GPM6B: variants seen among roughly 807,000 people sequenced by gnomAD.
The protein encoded by GPM6B is glycoprotein M6B, also known as neuronal membrane glycoprotein M6-b.
Under a neutral mutation model 27.2 loss-of-function variants are expected in GPM6B, and 4 were observed. That is an observed-to-expected ratio of 0.15 (90% CI 0.07 to 0.34). The LOEUF is 0.34. Among genes scored for constraint, GPM6B ranks in the 10% least tolerant of loss-of-function variants. The pLI is 1.00. For synonymous variants in GPM6B, 124 were observed against 103.1 expected (o/e 1.20, Z -1.23); for missense variants, 183 against 261.9 (o/e 0.70, Z 2.08).
At chrX:13,780,080 A>G in intron 4 of GPM6B, 91 bp from the exon 5 acceptor site, 1 of 771,192 alleles carries the variant, frequency 1.3e-6, no homozygotes, top group East Asian at 3.4e-5. Context: ...CAGGCCCAAT[A>G]CTGACCTGTG....
chrX:13,913,662 C>G (rs765734581), intron 1 of GPM6B, among the ~76,000 whole-genome samples: 1 of 112,218 alleles, frequency 8.9e-6, no homozygotes, highest in African/African-American at 3.2e-5. Context: ...CTGTCTTGTT[C>G]GGTCTTAATT....
At chrX:13,800,222 G>A (rs1192189994) in intron 2 of GPM6B, among the ~76,000 whole-genome samples, 1 of 111,590 alleles carries the variant, frequency 9.0e-6, no homozygotes, top group Non-Finnish European at 1.9e-5. Context: ...CAGCTTGTGA[G>A]GAACTGAGGC....
At chrX:13,884,732 C>A (rs1030054382) in intron 1 of GPM6B, among the ~76,000 whole-genome samples, 1 of 112,073 alleles carries the variant, frequency 8.9e-6, no homozygotes, top group Non-Finnish European at 1.9e-5. Context: ...CAAAATAATG[C>A]AGCATGTCAT....
At chrX:13,876,388 T>C (rs1439796346) in intron 1 of GPM6B, among the ~76,000 whole-genome samples, 1 of 112,560 alleles carries the variant, frequency 8.9e-6, no homozygotes, top group African/African-American at 3.2e-5. Context: ...GTACAACATG[T>C]CTGCATCATT....
chrX:13,905,882 T>TA lies in GPM6B; in HGVS notation c.-198+32444dup, dbSNP rs138188403. ...TCCTCCATTCGTGACACAATGGGAT[T>TA]AAAAAAAAAAACCCTCTGAATCCAT... On this transcript the variant is annotated intron_variant, in intron 1 of 6. Coordinates refer to the GPM6B transcript ENST00000398361. 1.3e-3 allele frequency among the ~76,000 whole-genome samples: 131 copies of TA among 104,579 alleles called. 2 individuals are homozygous for TA. In the South Asian group the frequency reaches 0.015, roughly 12 times the overall value. The allele number at this position is 104,579 out of a possible 115,157, so 90.8% of individuals were successfully genotyped here.
chrX:13,834,835 C>T (rs774632316), intron 1 of GPM6B, among the ~76,000 whole-genome samples: 1 of 111,908 alleles, frequency 8.9e-6, no homozygotes, highest in Admixed American at 9.5e-5. Context: ...TACTTGTCAT[C>T]GTATTAAGAC....
At chrX:13,912,245 A>C (rs1247946949) in intron 1 of GPM6B, among the ~76,000 whole-genome samples, 2 of 112,403 alleles carry the variant, frequency 1.8e-5, no homozygotes, top group African/African-American at 6.5e-5. Context: ...AACACTGCTA[A>C]AGAAAGTACA....
chrX:13,924,252 T>A (rs1286606247), intron 1 of GPM6B, among the ~76,000 whole-genome samples: 1 of 112,322 alleles, frequency 8.9e-6, no homozygotes. Flanking sequence ...AGCTTAGCAC[T>A]CAGTCTAATA....
At chrX:13,825,199 G>T (rs2049358517) in intron 1 of GPM6B, among the ~76,000 whole-genome samples, 1 of 111,658 alleles carries the variant, frequency 9.0e-6, no homozygotes, top group African/African-American at 3.3e-5. Context: ...CATATTTTTT[G>T]AGGGGGGTGG....
At chrX:13,826,067 T>C (rs1435893980) in intron 1 of GPM6B, among the ~76,000 whole-genome samples, 1 of 111,653 alleles carries the variant, frequency 9.0e-6, no homozygotes, top group Non-Finnish European at 1.9e-5. Context: ...CTGTCCAGCA[T>C]TGAGAAGGGT....
At chrX:13,846,072 T>C (rs1569255396) in intron 1 of GPM6B, among the ~76,000 whole-genome samples, 1 of 111,129 alleles carries the variant, frequency 9.0e-6, no homozygotes, top group Non-Finnish European at 1.9e-5. Context: ...CTTTCTCTCT[T>C]TCTCATTTTC....
intron 4 of GPM6B, among the ~76,000 whole-genome samples, chrX:13,780,306 C>G (rs185496731): frequency 1.8e-5 from 2 of 112,045 alleles, no homozygotes; most frequent in Non-Finnish European, 3.8e-5. Context: ...CAGAGCTAAT[C>G]AGTGGCAGCC....
chrX:13,883,722 G>A (rs1038112804), intron 1 of GPM6B, among the ~76,000 whole-genome samples: 5 of 105,141 alleles, frequency 4.8e-5, no homozygotes, highest in African/African-American at 1.4e-4. Context: ...TTAGTCAGGC[G>A]TGGTGGTACA....
upstream of GPM6B, among the ~76,000 whole-genome samples, chrX:13,818,249 C>T (rs111582065): frequency 0.014 from 1,609 of 112,340 alleles, 21 homozygotes; most frequent in African/African-American, 0.05. Context: ...ACAGGGATGA[C>T]CACTGATAGG....
chrX:13,800,034 C>T (rs1479805479), intron 2 of GPM6B, among the ~76,000 whole-genome samples: 2 of 111,783 alleles, frequency 1.8e-5, no homozygotes, highest in African/African-American at 6.5e-5. Flanking sequence ...GATGAGATGT[C>T]ACTTCCCTGA....
intron 1 of GPM6B, among the ~76,000 whole-genome samples, chrX:13,827,118 A>G (rs2049382049): frequency 1.8e-5 from 2 of 109,666 alleles, no homozygotes; most frequent in Admixed American, 1.9e-4. Flanking sequence ...AGCTGGTGGA[A>G]CCCGGGGTGC....
chrX:13,804,089 T>C (rs1373328420), intron 2 of GPM6B, among the ~76,000 whole-genome samples: 2 of 111,681 alleles, frequency 1.8e-5, no homozygotes, highest in Non-Finnish European at 3.8e-5. Flanking sequence ...TTAATGTGCA[T>C]AGGAACTACC....
At chrX:13,861,140 TATAC>T (rs1290266160) in intron 1 of GPM6B, among the ~76,000 whole-genome samples, 18 of 88,440 alleles carry the variant, frequency 2.0e-4, no homozygotes, top group African/African-American at 9.8e-4. Context: ...ATATATATAA[TATAC>T]ATATATACAT....
At position 13,817,021 on chromosome X, in the gene GPM6B, G is replaced by A. The variant is rs1365776183; in HGVS notation, c.-117C>T. 1.8e-6 allele frequency: 2 copies of A among 1,118,865 alleles called. No homozygotes were observed. Among genetic ancestry groups the A allele is most frequent in the Non-Finnish European group, 2.3e-6 (2 of 853,862 alleles). 92.2% of individuals were successfully genotyped at this position (1,118,865 alleles called of 1,213,427 possible). A position where few individuals can be genotyped will look rare whatever the true frequency, so the allele number is the denominator to read the frequency against. On this transcript the variant is annotated 5_prime_UTR_variant, in exon 1 of 8. Coordinates refer to ENST00000316715, the MANE Select transcript of GPM6B (RefSeq NM_001001995.3). ...TTATTTACACCCGTCTGATTGAGAG[G>A]CTCTGTTCTTCACTACAGTAGATTA...
Sources: allele counts gnomAD v4.1 joint callset (sites outside exome capture counted in the v4.1 genomes callset), GRCh38; gene constraint gnomAD v4.1.1; transcripts MANE v1.5; gene names NCBI Gene and HGNC (gene_info 2026-07-23, HGNC 2026-07-21).